Variants in XPNPEP3 observed in about 807,000 individuals in gnomAD.
XPNPEP3 encodes the protein X-prolyl aminopeptidase 3.
Under a neutral mutation model 60.0 loss-of-function variants are expected in XPNPEP3, and 41 were observed. The ratio of observed to expected loss-of-function variants is 0.68; its 90% CI spans 0.53 to 0.89. The LOEUF (loss-of-function observed/expected upper bound fraction) is 0.89, where lower values mean the gene tolerates loss of function less well. Ranked by LOEUF, XPNPEP3 falls within the 40% of genes least tolerant of loss-of-function variation. The pLI is 0.00. For synonymous variants in XPNPEP3, 212 were observed against 223.2 expected, an observed-to-expected ratio of 0.95 and a Z score of 0.45; for missense variants, 598 against 638.9, an observed-to-expected ratio of 0.94 and a Z score of 0.69.
chr22:40,923,880 G>A (rs1360992747), intron 8 of XPNPEP3, among the ~76,000 whole-genome samples: 2 of 151,822 alleles, frequency 1.3e-5, no homozygotes, highest in African/African-American at 4.8e-5. Context: ...ACCCAAGCTG[G>A]TAGGTGCCCA....
intron 4 of XPNPEP3, among the ~76,000 whole-genome samples, chr22:40,894,260 A>G (rs2058099702): frequency 6.6e-6 from 1 of 152,216 alleles, no homozygotes; most frequent in Non-Finnish European, 1.5e-5. Context: ...CAAAGAGAGA[A>G]TATTATTCTC....
intron 4 of XPNPEP3, among the ~76,000 whole-genome samples, chr22:40,906,610 C>G (rs917395045): frequency 6.6e-6 from 1 of 152,088 alleles, no homozygotes; most frequent in Non-Finnish European, 1.5e-5. Flanking sequence ...AGCTCTCCCA[C>G]GAGGAATTAT....
chr22:40,878,367 T>C (rs2058035340), intron 2 of XPNPEP3, among the ~76,000 whole-genome samples: 1 of 152,124 alleles, frequency 6.6e-6, no homozygotes, highest in Non-Finnish European at 1.5e-5. Context: ...TAGTCAATTG[T>C]ATGAAATTGG....
chr22:40,910,382 A>G (rs1338075748), intron 6 of XPNPEP3, among the ~76,000 whole-genome samples: 2 of 152,132 alleles, frequency 1.3e-5, no homozygotes, highest in Admixed American at 1.3e-4. Context: ...TATGCTCTGT[A>G]TGTAGTTTGG....
chr22:40,862,072 G>C, intron 1 of XPNPEP3: 1 of 1,520,910 alleles, frequency 6.6e-7, no homozygotes, highest in South Asian at 1.4e-5. Flanking sequence ...TGCTGGTGGT[G>C]GTGATAGAGG....
chr22:40,884,363 G>A (rs1013468440), intron 3 of XPNPEP3, among the ~76,000 whole-genome samples: 23 of 143,428 alleles, frequency 1.6e-4, no homozygotes, highest in African/African-American at 5.7e-4. Context: ...ACAGAATTTC[G>A]CTCTTGCCCA....
At chr22:40,893,710 A>C (rs972801193) in intron 4 of XPNPEP3, among the ~76,000 whole-genome samples, 5 of 151,772 alleles carry the variant, frequency 3.3e-5, no homozygotes, top group African/African-American at 1.2e-4. Context: ...TCCACCTCCC[A>C]GGTTCAGGTG....
chr22:40,907,517 G>A lies in XPNPEP3; in HGVS notation c.793-70G>A, dbSNP rs1025785971. On this transcript the variant is annotated intron_variant, in intron 4 of 9. Coordinates refer to ENST00000357137, the MANE Select transcript of XPNPEP3 (RefSeq NM_022098.4). ...AAAGGTGCTTTTCATTTGAGCTCCA[G>A]TATTTTGAATGTTTGAGTAAGCAAC... 1.5e-5 allele frequency: 23 copies of A among 1,484,568 alleles called. No homozygotes were observed. In the African/African-American group the frequency reaches 2.5e-4, roughly 16 times the overall value. The allele number at this position is 1,484,568 out of a possible 1,614,324, so 92.0% of individuals were successfully genotyped here. A position where few individuals can be genotyped will look rare whatever the true frequency, so the allele number is the denominator to read the frequency against.
intron 5 of XPNPEP3, 105 bp downstream of exon 5, chr22:40,907,754 A>G (rs1160591361): frequency 9.2e-7 from 1 of 1,081,428 alleles, no homozygotes; most frequent in East Asian, 2.4e-5. Context: ...GATGACCAGC[A>G]TGTCATTGGA....
At chr22:40,915,849 G>A (rs553408918) in intron 7 of XPNPEP3, among the ~76,000 whole-genome samples, 4 of 152,252 alleles carry the variant, frequency 2.6e-5, no homozygotes, top group Non-Finnish European at 5.9e-5. Flanking sequence ...AGCAAAATAC[G>A]AGCAGCTAGA....
intron 1 of XPNPEP3, among the ~76,000 whole-genome samples, chr22:40,865,690 G>A (rs2057974959): frequency 6.9e-6 from 1 of 143,922 alleles, no homozygotes; most frequent in Admixed American, 7.0e-5. Context: ...CTCTTTTTTT[G>A]TGGGGGGCGG....
chr22:40,929,574 C>G lies in XPNPEP3; in HGVS notation c.*3139C>G, dbSNP rs902914013. The stretch of plus-strand genomic sequence containing the variant: ...GCAGCATACTTGGACATGAAACACA[C>G]TTCTGGTTAGATTCCAGTCAAGTTC... On this transcript the variant is annotated 3_prime_UTR_variant, in exon 10 of 10. Transcript: ENST00000357137. 1 of 152,172 alleles carries G rather than the reference C, an allele frequency of 6.6e-6. No homozygotes were observed. 9.4% of individuals were successfully genotyped at this position (152,172 alleles called of 1,614,324 possible). A position where few individuals can be genotyped will look rare whatever the true frequency, so the allele number is the denominator to read the frequency against.
At chr22:40,892,915 A>G (rs1043836281) in intron 4 of XPNPEP3, among the ~76,000 whole-genome samples, 2 of 151,402 alleles carry the variant, frequency 1.3e-5, no homozygotes, top group East Asian at 1.9e-4. Context: ...TAACAATGCA[A>G]ATAGCTCTTT....
At chr22:40,906,701 G>A (rs543326229) in intron 4 of XPNPEP3, among the ~76,000 whole-genome samples, 1 of 152,196 alleles carries the variant, frequency 6.6e-6, no homozygotes, top group South Asian at 2.1e-4. Flanking sequence ...TCATACATGG[G>A]GCTATTGAGG....
chr22:40,887,761 T>C (rs1487006895), intron 4 of XPNPEP3, among the ~76,000 whole-genome samples: 1 of 152,078 alleles, frequency 6.6e-6, no homozygotes, highest in Non-Finnish European at 1.5e-5. Context: ...TTTGTTTTTT[T>C]GGTCACATAA....
At chr22:40,865,928 G>T (rs993759745) in intron 1 of XPNPEP3, among the ~76,000 whole-genome samples, 2 of 152,100 alleles carry the variant, frequency 1.3e-5, no homozygotes, top group Admixed American at 6.5e-5. Context: ...GTCTCCCTGG[G>T]TAATACCCAT....
At chr22:40,871,762 C>T (rs986896244) in intron 2 of XPNPEP3, among the ~76,000 whole-genome samples, 16 of 151,932 alleles carry the variant, frequency 1.1e-4, no homozygotes, top group African/African-American at 2.4e-4. Flanking sequence ...GGGCCAGGCG[C>T]GGTGGCTCAC....
intron 1 of XPNPEP3, among the ~76,000 whole-genome samples, chr22:40,865,717 G>C (rs1356051693): frequency 1.3e-5 from 2 of 151,614 alleles, no homozygotes; most frequent in African/African-American, 4.8e-5. Flanking sequence ...AGCGGGTAGA[G>C]ACAGGGTTTA....
chr22:40,861,193 C>T (rs1490645649), intron 1 of XPNPEP3: 2 of 1,614,056 alleles, frequency 1.2e-6, no homozygotes, highest in East Asian at 2.2e-5. Flanking sequence ...GATATACCTC[C>T]CTCATCATTG....
Sources: gnomAD v4.1 joint callset for allele counts (sites outside exome capture counted in the v4.1 genomes callset) on GRCh38, gnomAD v4.1.1 for gene constraint, MANE v1.5 for transcripts, NCBI Gene and HGNC (gene_info 2026-07-23, HGNC 2026-07-21) for gene names.